KANK1: variants seen among roughly 807,000 people sequenced by gnomAD.
The protein encoded by KANK1 is KN motif and ankyrin repeat domain-containing protein 1.
KANK1 carries 109 observed loss-of-function variants against 106.2 expected under a neutral mutation model. The observed-to-expected ratio is 1.03, with a 90% CI of 0.88 to 1.20. The LOEUF (loss-of-function observed/expected upper bound fraction) is 1.20. Among genes scored for constraint, KANK1 ranks in the 50% most tolerant of loss-of-function variants. KANK1 has a pLI of 0.00. For synonymous variants in KANK1, 873 were observed against 652.2 expected, an observed-to-expected ratio of 1.34 and a Z score of -5.16; for missense variants, 2,399 against 1,710.7, an observed-to-expected ratio of 1.40 and a Z score of -7.10.
At position 571,576 on chromosome 9, in the gene KANK1, A is replaced by T. The variant is rs74608506; in HGVS notation, c.-84+66822A>T. ...CTTCACTTCTAAATAAAAAAAAAAA[A>T]AATTTTAAAAACGTTTTTTAAAAAG... On this transcript the variant is annotated intron_variant, in intron 1 of 11. Coordinates refer to ENST00000382297, the MANE Select transcript of KANK1 (RefSeq NM_015158.5). Among the ~76,000 whole-genome samples the T allele has an allele frequency of 2.7e-3, 391 of 147,430 alleles. 1 individual carries two copies. The highest frequency in any genetic ancestry group is 3.7e-3 in the Non-Finnish European group (247 of 66,156).
At chr9:497,489 C>T (rs909753167) in intron 3 of KANK1, among the ~76,000 whole-genome samples, 1 of 151,882 alleles carries the variant, frequency 6.6e-6, no homozygotes, top group Non-Finnish European at 1.5e-5. Context: ...ATTTAATGTT[C>T]AAGAATTCTT....
At chr9:552,627 C>T (rs991135748) in intron 1 of KANK1, among the ~76,000 whole-genome samples, 1 of 152,168 alleles carries the variant, frequency 6.6e-6, no homozygotes. Context: ...TGCTTCAGCC[C>T]TGCCAAAATG....
chr9:511,220 C>A (rs761104462), intron 1 of KANK1, among the ~76,000 whole-genome samples: 5 of 152,168 alleles, frequency 3.3e-5, no homozygotes, highest in Non-Finnish European at 5.9e-5. Context: ...AAGGGCACTG[C>A]ATTTAGGCAA....
chr9:675,461 C>T lies in KANK1; in HGVS notation c.-83-1429C>T, dbSNP rs181598630. Among the ~76,000 whole-genome samples, 4 of 152,008 alleles carry T rather than the reference C, an allele frequency of 2.6e-5. No individual in the cohort carries two copies. In the East Asian group the frequency reaches 5.8e-4, roughly 22 times the overall value. ...TTGTTTACTGTTTGCTAGTATTTTT[C>T]GAAAGGTATTTGCAAAAACCAAAGG... On this transcript the variant is annotated intron_variant, in intron 1 of 11. Transcript: ENST00000382297.
chr9:482,723 A>G (rs1158438205), intron 3 of KANK1, among the ~76,000 whole-genome samples: 2 of 152,226 alleles, frequency 1.3e-5, no homozygotes, highest in Non-Finnish European at 2.9e-5. Context: ...CTATCATTGG[A>G]TGTAAGCAGC....
intron 1 of KANK1, among the ~76,000 whole-genome samples, chr9:630,608 C>T (rs1835460390): frequency 1.3e-5 from 2 of 150,510 alleles, no homozygotes; most frequent in Non-Finnish European, 3.0e-5. Flanking sequence ...AGAGAGGCTG[C>T]AGAAAGCTTA....
chr9:595,616 C>G (rs1208701602), intron 1 of KANK1, among the ~76,000 whole-genome samples: 1 of 151,738 alleles, frequency 6.6e-6, no homozygotes, highest in African/African-American at 2.4e-5. Flanking sequence ...GCCTCAAATT[C>G]CTGGGCTCAA....
At chr9:729,319 G>A (rs1282568114) in intron 3 of KANK1, among the ~76,000 whole-genome samples, 1 of 152,150 alleles carries the variant, frequency 6.6e-6, no homozygotes, top group African/African-American at 2.4e-5. Flanking sequence ...CCAGGAGAAG[G>A]TACAAAAGAT....
intron 1 of KANK1, among the ~76,000 whole-genome samples, chr9:550,531 G>C (rs1441540000): frequency 6.6e-6 from 1 of 152,148 alleles, no homozygotes; most frequent in Non-Finnish European, 1.5e-5. Context: ...GATTGGTTGA[G>C]GTCAGGAGTT....
At position 570,744 on chromosome 9, in the gene KANK1, T is replaced by C. The variant is rs114173810; in HGVS notation, c.-84+65990T>C. ...GTTTTTAGGAAATATGCATGCTAAT[T>C]AGATAATGCCTAAATTATGTTGCTT... On this transcript the variant is annotated intron_variant, in intron 1 of 11. Transcript: ENST00000382297. 1.7e-3 allele frequency among the ~76,000 whole-genome samples: 262 copies of C among 152,308 alleles called. 3 individuals are homozygous for C. The highest frequency in any genetic ancestry group is 6.0e-3 in the African/African-American group (248 of 41,568).
chr9:639,043 A>G (rs1314255548), intron 1 of KANK1, among the ~76,000 whole-genome samples: 1 of 152,180 alleles, frequency 6.6e-6, no homozygotes, highest in East Asian at 1.9e-4. Context: ...ATCACACCTC[A>G]GTGTAAGTCT....
intron 1 of KANK1, among the ~76,000 whole-genome samples, chr9:550,546 G>A (rs2061216156): frequency 6.6e-6 from 1 of 152,156 alleles, no homozygotes; most frequent in Non-Finnish European, 1.5e-5. Flanking sequence ...GGAGTTTGAG[G>A]CCGCAATGAG....
intron 1 of KANK1, among the ~76,000 whole-genome samples, chr9:537,978 G>A (rs1268328716): frequency 6.6e-6 from 1 of 152,140 alleles, no homozygotes; most frequent in Admixed American, 6.5e-5. Context: ...AAGTTGCCCT[G>A]AGTAGGCTCA....
chr9:734,644 C>G lies in KANK1; in HGVS notation c.3246-104C>G, dbSNP rs978129197. ...TCATGCCACTGCACTCCAGCCTGGG[C>G]GACAGAGCATGACCCTGTCTCAAAA... On this transcript the variant is annotated intron_variant, in intron 6 of 11. Transcript: ENST00000382297. The G allele has an allele frequency of 4.1e-5, 30 of 733,812 alleles. 1 individual carries two copies. Among genetic ancestry groups the G allele is most frequent in the Non-Finnish European group, 6.7e-5 (29 of 434,576 alleles). 45.5% of individuals were successfully genotyped at this position (733,812 alleles called of 1,614,324 possible). A position where few individuals can be genotyped will look rare whatever the true frequency, so the allele number is the denominator to read the frequency against.
chr9:524,763 G>A (rs2059707028), intron 1 of KANK1, among the ~76,000 whole-genome samples: 2 of 151,254 alleles, frequency 1.3e-5, no homozygotes, highest in South Asian at 4.2e-4. Flanking sequence ...GTGATCTGCT[G>A]GTCTTGGTCT....
intron 3 of KANK1, among the ~76,000 whole-genome samples, chr9:486,537 C>G (rs1056918827): frequency 8.5e-5 from 13 of 152,116 alleles, no homozygotes; most frequent in African/African-American, 3.1e-4. Context: ...CATAACTTCT[C>G]CAAGGTTATA....
intron 1 of KANK1, among the ~76,000 whole-genome samples, chr9:518,816 C>T (rs1405683215): frequency 1.3e-5 from 2 of 151,686 alleles, no homozygotes; most frequent in Non-Finnish European, 2.9e-5. Flanking sequence ...TAGAGGCAGG[C>T]TCAGGGACCC....
chr9:470,850 C>G (rs876578), intron 2 of KANK1: 4 of 152,264 alleles, frequency 2.6e-5, no homozygotes, highest in Non-Finnish European at 5.9e-5. Context: ...ACTGTCTTCC[C>G]CCACTCCCCT....
intron 1 of KANK1, among the ~76,000 whole-genome samples, chr9:646,975 G>A (rs889119188): frequency 2.7e-5 from 4 of 150,816 alleles, no homozygotes; most frequent in Admixed American, 2.0e-4. Context: ...TGGGATTACC[G>A]GCGTGAGCTA....
Sources: allele counts gnomAD v4.1 joint callset (sites outside exome capture counted in the v4.1 genomes callset), GRCh38; gene constraint gnomAD v4.1.1; transcripts MANE v1.5; gene names NCBI Gene and HGNC (gene_info 2026-07-23, HGNC 2026-07-21).